Variants in HS3ST5 observed in about 807,000 individuals in gnomAD.
HS3ST5 encodes heparan sulfate-glucosamine 3-sulfotransferase 5, also known as heparan sulfate glucosamine 3-O-sulfotransferase 5.
Under a neutral mutation model 25.4 loss-of-function variants are expected in HS3ST5, and 10 were observed. The observed-to-expected ratio is 0.39, with a 90% confidence interval of 0.24 to 0.67. The LOEUF (loss-of-function observed/expected upper bound fraction) is 0.67. Among genes scored for constraint, HS3ST5 ranks in the 30% least tolerant of loss-of-function variants. The pLI, the probability that HS3ST5 is intolerant of heterozygous loss-of-function variation, is 0.44. For synonymous variants in HS3ST5, 170 were observed against 162.4 expected, an observed-to-expected ratio of 1.05 and a Z score of -0.36; for missense variants, 324 against 420.7, an observed-to-expected ratio of 0.77 and a Z score of 2.01.
At chr6:114,215,595 G>A (rs1305224695) in intron 2 of HS3ST5, among the ~76,000 whole-genome samples, 1 of 151,798 alleles carries the variant, frequency 6.6e-6, no homozygotes, top group East Asian at 1.9e-4. Flanking sequence ...CATGCCTTTT[G>A]CCTTTTGTAT....
At chr6:114,097,620 G>A (rs1775503450) in intron 3 of HS3ST5, among the ~76,000 whole-genome samples, 1 of 151,664 alleles carries the variant, frequency 6.6e-6, no homozygotes, top group Admixed American at 6.6e-5. Context: ...ACTATATTTG[G>A]AGTCTATTTT....
chr6:114,230,823 C>T (rs1190766333), intron 1 of HS3ST5, among the ~76,000 whole-genome samples: 1 of 151,950 alleles, frequency 6.6e-6, no homozygotes, highest in East Asian at 1.9e-4. Context: ...CTCCTGACCT[C>T]ATGATCCGCC....
chr6:114,290,241 G>A (rs1056378929), intron 1 of HS3ST5, among the ~76,000 whole-genome samples: 3 of 152,140 alleles, frequency 2.0e-5, no homozygotes, highest in African/African-American at 7.2e-5. Flanking sequence ...ACTAAACACA[G>A]TATGAATCAG....
intron 1 of HS3ST5, among the ~76,000 whole-genome samples, chr6:114,272,335 G>A (rs1181249338): frequency 6.6e-6 from 1 of 152,034 alleles, no homozygotes; most frequent in Non-Finnish European, 1.5e-5. Flanking sequence ...ACATTGTCTA[G>A]GACAGATGTG....
intron 3 of HS3ST5, among the ~76,000 whole-genome samples, chr6:114,154,634 CTTAT>C (rs1417675438): frequency 2.0e-5 from 3 of 152,208 alleles, no homozygotes; most frequent in Non-Finnish European, 4.4e-5. Context: ...CCCATCACAT[CTTAT>C]TTAGTCTCTT....
At chr6:114,122,524 T>C (rs1776844624) in intron 3 of HS3ST5, among the ~76,000 whole-genome samples, 1 of 152,240 alleles carries the variant, frequency 6.6e-6, no homozygotes, top group African/African-American at 2.4e-5. Flanking sequence ...GGTGGTAGAT[T>C]ACATTTAGTT....
intron 3 of HS3ST5, among the ~76,000 whole-genome samples, chr6:114,162,547 T>G (rs1358920670): frequency 6.6e-6 from 1 of 152,212 alleles, no homozygotes; most frequent in African/African-American, 2.4e-5. Flanking sequence ...ACTACTTTAA[T>G]GATGTCACTC....
intron 1 of HS3ST5, among the ~76,000 whole-genome samples, chr6:114,307,161 T>A (rs1220775450): frequency 6.6e-6 from 1 of 152,158 alleles, no homozygotes; most frequent in African/African-American, 2.4e-5. Flanking sequence ...TTTCCAAACT[T>A]TGTAGGCACT....
At chr6:114,336,570 G>A (rs1776621183) in intron 1 of HS3ST5, among the ~76,000 whole-genome samples, 2 of 152,316 alleles carry the variant, frequency 1.3e-5, no homozygotes, top group African/African-American at 4.8e-5. Flanking sequence ...TTGTGCCGCT[G>A]CACTGCAGCC....
At chr6:114,227,296 T>G (rs929379882) in intron 2 of HS3ST5, among the ~76,000 whole-genome samples, 1 of 134,032 alleles carries the variant, frequency 7.5e-6, no homozygotes, top group Admixed American at 7.6e-5. Context: ...GGATAAAAAA[T>G]TCTACATAAT....
intron 1 of HS3ST5, among the ~76,000 whole-genome samples, chr6:114,237,393 C>T (rs781777610): frequency 8.6e-5 from 13 of 151,456 alleles, no homozygotes; most frequent in Non-Finnish European, 1.3e-4. Flanking sequence ...CTAATCTAGG[C>T]TCTACTATGG....
At chr6:114,083,724 A>C (rs1774598060) in intron 3 of HS3ST5, among the ~76,000 whole-genome samples, 2 of 152,164 alleles carry the variant, frequency 1.3e-5, no homozygotes, top group African/African-American at 4.8e-5. Flanking sequence ...CCCATTTCTA[A>C]GACTGGATCT....
intron 3 of HS3ST5, among the ~76,000 whole-genome samples, chr6:114,078,941 G>A (rs1774301010): frequency 6.6e-6 from 1 of 152,202 alleles, no homozygotes; most frequent in Non-Finnish European, 1.5e-5. Context: ...GCATATAAAA[G>A]TTATGTTTAC....
chr6:114,287,721 C>G (rs1774399495), intron 1 of HS3ST5, among the ~76,000 whole-genome samples: 1 of 151,958 alleles, frequency 6.6e-6, no homozygotes, highest in South Asian at 2.1e-4. Context: ...TCAAATCAAA[C>G]AAACATCACC....
chr6:114,203,480 A>G (rs1475931673), intron 2 of HS3ST5, among the ~76,000 whole-genome samples: 1 of 152,212 alleles, frequency 6.6e-6, no homozygotes, highest in African/African-American at 2.4e-5. Flanking sequence ...TCGGGAGGTC[A>G]CAAGATTTGT....
chr6:114,120,656 C>T (rs1776743739), intron 3 of HS3ST5, among the ~76,000 whole-genome samples: 1 of 151,846 alleles, frequency 6.6e-6, no homozygotes, highest in Admixed American at 6.6e-5. Flanking sequence ...GAGAACCTTT[C>T]TAGTAAGTCA....
At chr6:114,268,718 TATTC>T (rs1210433812) in intron 1 of HS3ST5, among the ~76,000 whole-genome samples, 2 of 152,286 alleles carry the variant, frequency 1.3e-5, no homozygotes, top group African/African-American at 4.8e-5. Flanking sequence ...AGTGTTTTAT[TATTC>T]ATTGTTAGCA....
Position 114,057,855 on chromosome 6 carries a change from G to A in HS3ST5, c.443C>T (p.Pro148Leu). 6.2e-7 allele frequency: 1 copy of A among 1,614,012 alleles called. No individual in the cohort carries two copies. The highest frequency in any genetic ancestry group is 8.5e-7 in the Non-Finnish European group (1 of 1,179,982). The change falls in exon 5 of 5, where the codon CCT (proline) becomes CTT (leucine). Residue 148 changes from proline (P) to leucine (L), a missense_variant. This residue lies in a region of HS3ST5 where 203 missense variants were observed against 303.4 expected (regional missense o/e 0.67). Coordinates refer to ENST00000312719, the MANE Select transcript of HS3ST5 (RefSeq NM_153612.4). Reference protein sequence around the residue: ...WYRKKMPFSYPQQITIEKSPA... With the variant: ...WYRKKMPFSYLQQITIEKSPA... ...GCTCTTTTCAATTGTGATTTGCTGA[G>A]GGTAGGAAAAAGGCATCTTTTTCCT...
intron 1 of HS3ST5, among the ~76,000 whole-genome samples, chr6:114,254,112 G>A (rs1322552207): frequency 3.3e-5 from 5 of 152,204 alleles, no homozygotes; most frequent in Non-Finnish European, 7.3e-5. Flanking sequence ...TTATGGTGCA[G>A]AGGCTCTCTG....
Sources: gnomAD v4.1 joint callset for allele counts (sites outside exome capture counted in the v4.1 genomes callset) on GRCh38, gnomAD v4.1.1 for gene constraint, gnomAD v4.1.1 regional missense constraint, MANE v1.5 for transcripts, NCBI Gene and HGNC (gene_info 2026-07-23, HGNC 2026-07-21) for gene names.